RBPMS: variants seen among roughly 807,000 people sequenced by gnomAD.
RBPMS encodes RNA binding protein, mRNA processing factor.
RBPMS carries 7 observed loss-of-function variants against 26.8 expected under a neutral mutation model. That is an observed-to-expected ratio of 0.26 (90% CI 0.15 to 0.49). The LOEUF (loss-of-function observed/expected upper bound fraction) is 0.49. Ranked by LOEUF, RBPMS falls within the 20% of genes least tolerant of loss-of-function variation. The pLI, the probability that RBPMS is intolerant of heterozygous loss-of-function variation, is 0.98. For synonymous variants in RBPMS, 96 were observed against 93.3 expected (o/e 1.03, Z -0.17); for missense variants, 186 against 250.0 (o/e 0.74, Z 1.73).
At chr8:30,386,756 TC>T (rs1387320433) in intron 1 of RBPMS, among the ~76,000 whole-genome samples, 2 of 152,222 alleles carry the variant, frequency 1.3e-5, no homozygotes, top group Admixed American at 1.3e-4. Flanking sequence ...AATCATCGCT[TC>T]AGAAATCTTT....
At chr8:30,414,916 C>T (rs1166185417) in intron 1 of RBPMS, among the ~76,000 whole-genome samples, 1 of 151,980 alleles carries the variant, frequency 6.6e-6, no homozygotes, top group Admixed American at 6.6e-5. Context: ...TTCTCCTTTT[C>T]CCCTTTCCTC....
intron 5 of RBPMS, 99 bp from the exon 6 acceptor site, chr8:30,544,395 C>G (rs934533295): frequency 8.4e-7 from 1 of 1,193,732 alleles, no homozygotes; most frequent in Non-Finnish European, 1.2e-6. Context: ...ATTTGACTTC[C>G]GACAGTGATT....
chr8:30,441,688 G>A (rs1057375189), intron 1 of RBPMS, among the ~76,000 whole-genome samples: 2 of 151,546 alleles, frequency 1.3e-5, no homozygotes, highest in Non-Finnish European at 2.9e-5. Context: ...TTTCCTTATC[G>A]TTCGATCTGA....
At chr8:30,484,057 A>G (rs747643504) in intron 4 of RBPMS, among the ~76,000 whole-genome samples, 1 of 152,138 alleles carries the variant, frequency 6.6e-6, no homozygotes, top group Non-Finnish European at 1.5e-5. Flanking sequence ...GTGAACACTG[A>G]TGTGTAAGTA....
chr8:30,551,409 G>A (rs1024584217), intron 6 of RBPMS, among the ~76,000 whole-genome samples: 2 of 152,178 alleles, frequency 1.3e-5, no homozygotes, highest in Non-Finnish European at 2.9e-5. Flanking sequence ...ACCCCAAGGA[G>A]ACTTCCGTAG....
chr8:30,506,790 G>C (rs887068660), intron 5 of RBPMS, among the ~76,000 whole-genome samples: 1 of 152,134 alleles, frequency 6.6e-6, no homozygotes, highest in Non-Finnish European at 1.5e-5. Flanking sequence ...AAAAGCACTC[G>C]TTGCCATCAC....
chr8:30,498,520 CTG>C (rs1481077050), intron 4 of RBPMS, among the ~76,000 whole-genome samples: 5 of 152,166 alleles, frequency 3.3e-5, no homozygotes, highest in Non-Finnish European at 5.9e-5. Flanking sequence ...AAATGACTAA[CTG>C]TATGTCAAAT....
At chr8:30,538,388 G>A (rs2151029433) in intron 5 of RBPMS, among the ~76,000 whole-genome samples, 1 of 152,168 alleles carries the variant, frequency 6.6e-6, no homozygotes, top group South Asian at 2.1e-4. Flanking sequence ...CCAAGTAGCT[G>A]GGACTACAGG....
Position 30,504,197 on chromosome 8 carries a change from C to T in RBPMS, c.247-89C>T, listed in dbSNP as rs556943043. On this transcript the variant is annotated intron_variant, in intron 4 of 8. Coordinates refer to ENST00000397323, the MANE Select transcript of RBPMS (RefSeq NM_001008710.3). ...TTGCTGACCTTTTTTCCTGATAGAC[C>T]AGGGTTTACTGGTGTGTTTATTTTG... 9.7e-5 allele frequency: 134 copies of T among 1,384,498 alleles called. 2 individuals are homozygous for T. The South Asian group carries it at 1.5e-3, about 16-fold the overall frequency. The allele number at this position is 1,384,498 out of a possible 1,614,324, so 85.8% of individuals were successfully genotyped here.
chr8:30,559,332 C>G (rs922262764), intron 7 of RBPMS, among the ~76,000 whole-genome samples: 32 of 152,226 alleles, frequency 2.1e-4, no homozygotes, highest in Admixed American at 1.9e-3. Context: ...CACTAATTTA[C>G]ACAGTAGTTG....
chr8:30,545,279 A>C (rs1042754967), intron 6 of RBPMS: 1 of 1,207,428 alleles, frequency 8.3e-7, no homozygotes, highest in Admixed American at 3.6e-5. Flanking sequence ...TGATTTTTAT[A>C]AACAAACTTC....
intron 6 of RBPMS, chr8:30,555,888 T>C: frequency 1.0e-6 from 1 of 985,428 alleles, no homozygotes; most frequent in Non-Finnish European, 1.2e-6. Flanking sequence ...ACACAGTGAT[T>C]AGCGCGGAGC....
intron 8 of RBPMS, among the ~76,000 whole-genome samples, chr8:30,567,294 C>T (rs1019957700): frequency 6.6e-6 from 1 of 152,212 alleles, no homozygotes; most frequent in Non-Finnish European, 1.5e-5. Flanking sequence ...AGTGCCGACC[C>T]AGGAGCAGGC....
chr8:30,561,382 C>T (rs1827468956), intron 7 of RBPMS, among the ~76,000 whole-genome samples: 1 of 152,200 alleles, frequency 6.6e-6, no homozygotes, highest in South Asian at 2.1e-4. Context: ...CTCCAGATGG[C>T]ACTGAGCGGA....
intron 8 of RBPMS, among the ~76,000 whole-genome samples, chr8:30,569,998 T>C (rs926918378): frequency 6.6e-5 from 10 of 152,168 alleles, no homozygotes; most frequent in African/African-American, 2.4e-4. Context: ...CGTTACCCGC[T>C]ACCCACTCAT....
intron 4 of RBPMS, among the ~76,000 whole-genome samples, chr8:30,491,609 T>C (rs1242706549): frequency 6.6e-6 from 1 of 152,172 alleles, no homozygotes; most frequent in Admixed American, 6.5e-5. Context: ...TTGGAAAGTT[T>C]AGGCAACTGT....
At chr8:30,537,033 T>C (rs1204196850) in intron 5 of RBPMS, among the ~76,000 whole-genome samples, 1 of 152,222 alleles carries the variant, frequency 6.6e-6, no homozygotes, top group Admixed American at 6.5e-5. Flanking sequence ...GGGGAAACTC[T>C]GGGTAACCCT....
chr8:30,457,354 G>T (rs1204959204), intron 1 of RBPMS, among the ~76,000 whole-genome samples: 4 of 151,964 alleles, frequency 2.6e-5, no homozygotes, highest in African/African-American at 9.7e-5. Flanking sequence ...AAATTCCAAG[G>T]TCCTGAAAGG....
At chr8:30,410,878 C>A (rs779352788) in intron 1 of RBPMS, among the ~76,000 whole-genome samples, 1 of 151,878 alleles carries the variant, frequency 6.6e-6, no homozygotes, top group Non-Finnish European at 1.5e-5. Flanking sequence ...CAGGACTGCA[C>A]GTGCACACAG....
Sources: allele counts gnomAD v4.1 joint callset (sites outside exome capture counted in the v4.1 genomes callset), GRCh38; gene constraint gnomAD v4.1.1; transcripts MANE v1.5; gene names NCBI Gene and HGNC (gene_info 2026-07-23, HGNC 2026-07-21).